The following AKR7A3 variants were observed in gnomAD, a reference collection of about 807,000 sequenced individuals.
AKR7A3 encodes the protein AFB1 aldehyde reductase 2.
A neutral mutation model predicts 32.5 loss-of-function variants in AKR7A3; 37 were observed. The ratio of observed to expected loss-of-function variants is 1.14; its 90% CI spans 0.88 to 1.50. The LOEUF (loss-of-function observed/expected upper bound fraction) is 1.50. Among genes scored for constraint, AKR7A3 ranks in the 40% most tolerant of loss-of-function variants. AKR7A3 has a pLI of 0.00. For synonymous variants in AKR7A3, 177 were observed against 188.4 expected, an observed-to-expected ratio of 0.94 and a Z score of 0.50; for missense variants, 412 against 453.2, an observed-to-expected ratio of 0.91 and a Z score of 0.83.
At chr1:19,277,095 C>T in the AKR7A3 span, among the ~76,000 whole-genome samples, 8 of 151,586 alleles carry the variant, frequency 5.3e-5, no homozygotes, top group Non-Finnish European at 7.4e-5. Flanking sequence ...GCCTGGGCAA[C>T]AGAGTGAGAC....
chr1:19,280,650 A>G (rs1276666508), downstream of AKR7A3, among the ~76,000 whole-genome samples: 6 of 151,432 alleles, frequency 4.0e-5, no homozygotes, highest in Admixed American at 1.3e-4. Context: ...GGCTCACTGC[A>G]AGCTCCACCT....
the AKR7A3 span, among the ~76,000 whole-genome samples, chr1:19,275,558 CA>C: frequency 6.6e-6 from 1 of 151,888 alleles, no homozygotes; most frequent in Non-Finnish European, 1.5e-5. Context: ...GTAATCTCAG[CA>C]CTTTGGGAGG....
rs775811030 is a variant in AKR7A3 at position 19,288,511 on chromosome 1, C to T, written c.199G>A (p.Gly67Ser). 23 of 1,610,584 alleles carry T rather than the reference C, an allele frequency of 1.4e-5. No individual in the cohort carries two copies. The highest frequency in any genetic ancestry group is 5.3e-5 in the African/African-American group (4 of 74,810). Residue 67 changes from glycine to serine, a missense_variant, in exon 1 of 7, where the codon GGC (glycine) becomes AGC (serine). Gly to Ser is a moderately conservative substitution (Grantham distance 56). Coordinates refer to ENST00000361640, the MANE Select transcript of AKR7A3 (RefSeq NM_012067.3). ...ILGGLGLRLG[G>S]SDCRVKIDTK... ...CCACTGTTACCTCTGCAGTCGCTGC[C>T]GCCCAGCCGGAGCCCCAGGCCGCCA... is the stretch of plus-strand genomic sequence containing the variant.
In AKR7A3 at chr1:19,284,583, G is replaced by A. The variant is rs555889275; in HGVS notation, c.704+103C>T. 1.3e-4 allele frequency: 160 copies of A among 1,227,032 alleles called. 1 individual carries two copies. Among genetic ancestry groups the A allele is most frequent in the Admixed American group, 5.1e-4 (29 of 56,960 alleles). The allele number at this position is 1,227,032 out of a possible 1,614,324, so 76.0% of individuals were successfully genotyped here. On this transcript the variant is annotated intron_variant, in intron 5 of 6. Transcript: ENST00000361640. ...TTCCCGAAGAAATTCAGGGGAGTAG[G>A]TGCAGCAGCGAGGAAAGGCCTTACC...
chr1:19,285,229 T>C, intron 3 of AKR7A3, 115 bp from the exon 4 acceptor site: 6 of 987,518 alleles, frequency 6.1e-6, no homozygotes, highest in Non-Finnish European at 6.2e-6. Flanking sequence ...TTTAACCGTC[T>C]GGGCGTATAC....
At chr1:19,284,978 C>G (rs373050797) in intron 4 of AKR7A3, 40 bp downstream of exon 4, 2 of 1,611,252 alleles carry the variant, frequency 1.2e-6, no homozygotes, top group Non-Finnish European at 1.7e-6. Context: ...ATCTGTGGGT[C>G]GGGAATAGGC....
chr1:19,277,325 C>T, the AKR7A3 span, among the ~76,000 whole-genome samples: 17 of 151,794 alleles, frequency 1.1e-4, 1 homozygote, highest in Non-Finnish European at 1.3e-4. Flanking sequence ...AAAATCCCCA[C>T]GTATTTGGAA....
chr1:19,280,040 CT>C (rs796667372), downstream of AKR7A3, among the ~76,000 whole-genome samples: 2 of 151,918 alleles, frequency 1.3e-5, no homozygotes, highest in African/African-American at 2.4e-5. Flanking sequence ...TTGGACACCC[CT>C]GGTCTAGACA....
At position 19,285,097 on chromosome 1, in the gene AKR7A3, G is replaced by T. The variant is rs545774115; in HGVS notation, c.525C>A (p.Ile175=). ...AGAGCTCCGTTTCCACCTGCCGGGT[G>T]ATGGCATTGTACATGCCCTGTAAGG... The part of the protein sequence containing the change: ...PTVYQGMYNA[I]TRQVETELFP... Residue 175 remains isoleucine, a synonymous_variant, in exon 4 of 7, where the codon ATC becomes ATA. Coordinates refer to ENST00000361640, the MANE Select transcript of AKR7A3 (RefSeq NM_012067.3). 251 of 1,613,522 alleles carry T rather than the reference G, an allele frequency of 1.6e-4. 4 individuals carry two copies. The South Asian group carries it at 2.5e-3, about 16-fold the overall frequency.
chr1:19,284,696 A>T lies in AKR7A3; in HGVS notation c.694T>A (p.Tyr232Asn). The change falls in exon 5 of 7, where the codon TAC becomes AAC. Residue 232 changes from tyrosine (Y) to asparagine (N), a missense_variant. Coordinates refer to ENST00000361640, the MANE Select transcript of AKR7A3 (RefSeq NM_012067.3). ...GCACCCACAGCTTACCGATTCCTGT[A>T]CATCTCTGCCCAGGTATTCCCAAAG... Reference protein sequence around the residue: ...RFFGNTWAEMYRNRYWKEHHF... With the variant: ...RFFGNTWAEMNRNRYWKEHHF... 1 of 1,613,836 alleles carries T rather than the reference A, an allele frequency of 6.2e-7. No homozygotes were observed. Among genetic ancestry groups the T allele is most frequent in the Non-Finnish European group, 8.5e-7 (1 of 1,179,964 alleles).
intron 1 of AKR7A3, 89 bp from the exon 2 acceptor site, chr1:19,286,461 C>A: frequency 7.4e-7 from 1 of 1,351,882 alleles, no homozygotes; most frequent in Non-Finnish European, 1.0e-6. Context: ...GCAGGCAAAT[C>A]AGAAGGTCAG....
At position 19,284,001 on chromosome 1, in the gene AKR7A3, G is replaced by T; in HGVS notation, c.829C>A (p.Leu277Met). Reference sequence around the variant, plus strand: ...CGCACAGGGTCACTGGTTACCTGCAGCTGTGAGTGGTGGTACATCCACCGG... The same window carrying T: ...CGCACAGGGTCACTGGTTACCTGCATCTGTGAGTGGTGGTACATCCACCGG... ...TLRWMYHHSQ[L>M]QGAHGDAVIL... Residue 277 changes from leucine (L) to methionine (M), a missense_variant, in exon 6 of 7, where the codon CTG (leucine) becomes ATG (methionine). Coordinates refer to ENST00000361640, the MANE Select transcript of AKR7A3 (RefSeq NM_012067.3). 1.2e-6 allele frequency: 2 copies of T among 1,613,276 alleles called. No individual in the cohort carries two copies. Among genetic ancestry groups the T allele is most frequent in the Non-Finnish European group, 8.5e-7 (1 of 1,179,868 alleles).
downstream of AKR7A3, among the ~76,000 whole-genome samples, chr1:19,281,397 G>A (rs1428568779): frequency 6.6e-6 from 1 of 151,828 alleles, no homozygotes; most frequent in Admixed American, 6.5e-5. Flanking sequence ...CAGCATTCGA[G>A]GCACCAAGTG....
At chr1:19,281,717 G>C (rs2093719153), downstream of AKR7A3, among the ~76,000 whole-genome samples, 1 of 151,998 alleles carries the variant, frequency 6.6e-6, no homozygotes, top group Non-Finnish European at 1.5e-5. Context: ...ATCATCTTGG[G>C]GATTTTGTCA....
the AKR7A3 span, among the ~76,000 whole-genome samples, chr1:19,276,665 G>A: frequency 6.6e-5 from 10 of 151,598 alleles, no homozygotes; most frequent in Non-Finnish European, 1.5e-5. Context: ...AGACAGGCAT[G>A]TTGGCATGCA....
In AKR7A3 at chr1:19,282,801, G is replaced by A. The variant is rs145104812; in HGVS notation, c.926C>T (p.Pro309Leu). 2.3e-3 allele frequency: 3,785 copies of A among 1,613,380 alleles called. 160 individuals are homozygous for A. In the African/African-American group the frequency reaches 0.044, roughly 19 times the overall value. The change falls in exon 7 of 7, where the codon CCG (proline) becomes CTG (leucine). Residue 309 changes from proline (P) to leucine (L), a missense_variant. Pro to Leu is a moderately conservative substitution (Grantham distance 98). Coordinates refer to ENST00000361640, the MANE Select transcript of AKR7A3 (RefSeq NM_012067.3). ...TTGATTAAAGGCGTCCACGACAGCCGGCTCCAGGGGCCCTTCCTCTGCCGC... is the reference window on the plus strand; with the variant it reads ...TTGATTAAAGGCGTCCACGACAGCCAGCTCCAGGGGCCCTTCCTCTGCCGC... ...LAAAEEGPLE[P>L]AVVDAFNQAW...
At chr1:19,287,061 C>G (rs2093731928) in intron 1 of AKR7A3, among the ~76,000 whole-genome samples, 1 of 151,832 alleles carries the variant, frequency 6.6e-6, no homozygotes, top group African/African-American at 2.4e-5. Context: ...AATCTCAGCA[C>G]TTTGGGAGGC....
chr1:19,277,122 GA>G, the AKR7A3 span, among the ~76,000 whole-genome samples: 35 of 150,754 alleles, frequency 2.3e-4, 1 homozygote, highest in African/African-American at 8.1e-4. Flanking sequence ...TCAAAAAAAA[GA>G]AAAGAAAAAA....
intron 6 of AKR7A3, 45 bp downstream of exon 6, chr1:19,283,951 T>C: frequency 6.2e-7 from 1 of 1,610,852 alleles, no homozygotes; most frequent in Non-Finnish European, 8.5e-7. Flanking sequence ...ATATTGCTGG[T>C]TCCCCTGGAA....
Sources: gnomAD v4.1 joint callset for allele counts (sites outside exome capture counted in the v4.1 genomes callset) on GRCh38, gnomAD v4.1.1 for gene constraint, MANE v1.5 for transcripts, NCBI Gene and HGNC (gene_info 2026-07-23, HGNC 2026-07-21) for gene names.